Variants in ANKRD30B observed in about 807,000 individuals in gnomAD.
The protein encoded by ANKRD30B is ankyrin repeat domain-containing protein 30B.
A neutral mutation model predicts 202.2 loss-of-function variants in ANKRD30B; 144 were observed. The observed-to-expected ratio is 0.71, with a 90% CI of 0.62 to 0.82. The LOEUF (loss-of-function observed/expected upper bound fraction) is 0.82, where lower values mean the gene tolerates loss of function less well. ANKRD30B is among the 40% of genes least tolerant of loss of function. The probability of loss-of-function intolerance (pLI) is 0.00; values close to 1 mark genes in which losing one functional copy is unlikely to be tolerated. For missense variants in ANKRD30B, 1,487 were observed against 1,669.1 expected, an observed-to-expected ratio of 0.89 and a Z score of 1.90; for synonymous variants, 508 against 561.3, an observed-to-expected ratio of 0.91 and a Z score of 1.34.
At chr18:14,888,881 T>C in the ANKRD30B span, 7 of 1,058,354 alleles carry the variant, frequency 6.6e-6, no homozygotes, top group Non-Finnish European at 9.6e-6. Flanking sequence ...GAAGTTACAA[T>C]CTTCATTGCA....
chr18:14,749,292 G>C (rs1401108109), intron 1 of ANKRD30B, among the ~76,000 whole-genome samples: 1 of 152,102 alleles, frequency 6.6e-6, no homozygotes, highest in Non-Finnish European at 1.5e-5. Context: ...AATTACACAG[G>C]CTTTTACTGT....
the ANKRD30B span, among the ~76,000 whole-genome samples, chr18:14,930,623 A>G: frequency 1.4e-4 from 21 of 152,148 alleles, no homozygotes; most frequent in African/African-American, 4.8e-4. Context: ...TTGTCCAGCC[A>G]CCTATTATAC....
Position 14,778,054 on chromosome 18 carries a change from A to G in ANKRD30B, c.1399A>G (p.Thr467Ala). The stretch of plus-strand genomic sequence containing the variant: ...TGCTACATATCAAAAAGATATCAAA[A>G]CAATAAATCACAAAATAGAAGGTAA... ...PDATYQKDIK[T>A]INHKIEDQMF... The change falls in exon 10 of 44, where the codon ACA (threonine) becomes GCA (alanine). Residue 467 changes from threonine to alanine, a missense_variant. Thr to Ala is a moderately conservative substitution (Grantham distance 58). Coordinates refer to ENST00000690538, the MANE Select transcript of ANKRD30B (RefSeq NM_001367607.2). The G allele has an allele frequency of 6.5e-7, 1 of 1,544,944 alleles. No homozygotes were observed. The highest frequency in any genetic ancestry group is 8.8e-7 in the Non-Finnish European group (1 of 1,141,888).
the ANKRD30B span, among the ~76,000 whole-genome samples, chr18:14,931,679 T>C: frequency 6.6e-6 from 1 of 152,114 alleles, no homozygotes; most frequent in Non-Finnish European, 1.5e-5. Flanking sequence ...AACAGGAGTG[T>C]GGTGTGTGCC....
At chr18:14,820,481 A>T (rs1970358458) in intron 30 of ANKRD30B, among the ~76,000 whole-genome samples, 1 of 152,152 alleles carries the variant, frequency 6.6e-6, no homozygotes, top group Non-Finnish European at 1.5e-5. Context: ...CCCATTCAGT[A>T]TGATATTGGC....
At chr18:14,806,605 T>A (rs1050608838) in intron 24 of ANKRD30B, among the ~76,000 whole-genome samples, 1 of 149,810 alleles carries the variant, frequency 6.7e-6, no homozygotes, top group Non-Finnish European at 1.5e-5. Flanking sequence ...GATCACATTT[T>A]AGAACCAGAG....
chr18:14,912,553 A>C, the ANKRD30B span, among the ~76,000 whole-genome samples: 1 of 152,176 alleles, frequency 6.6e-6, no homozygotes, highest in African/African-American at 2.4e-5. Context: ...GTCTGTGTTC[A>C]TCAGAGATAT....
intron 36 of ANKRD30B, 122 bp from the exon 37 acceptor site, chr18:14,840,466 G>A (rs1971370751): frequency 2.9e-6 from 1 of 347,590 alleles, no homozygotes; most frequent in African/African-American, 2.2e-5. Flanking sequence ...TTGGTCTTTG[G>A]AGCCAGAGGT....
At chr18:14,941,009 T>G in the ANKRD30B span, among the ~76,000 whole-genome samples, 1 of 152,174 alleles carries the variant, frequency 6.6e-6, no homozygotes. Flanking sequence ...GCTCTGGGAC[T>G]CTGTATGTGC....
chr18:14,787,932 G>A (rs1312298753), intron 15 of ANKRD30B, among the ~76,000 whole-genome samples: 1 of 152,136 alleles, frequency 6.6e-6, no homozygotes, highest in Non-Finnish European at 1.5e-5. Flanking sequence ...ATTTAGACAT[G>A]ACATAATTTT....
chr18:14,888,742 TTC>T, the ANKRD30B span: 4 of 1,003,960 alleles, frequency 4.0e-6, no homozygotes, highest in Non-Finnish European at 4.4e-6. Context: ...GCTGTTTTTG[TTC>T]TTTCTTCATT....
rs774053971 is a variant in ANKRD30B at position 14,796,435 on chromosome 18, T to C, written c.1927+20T>C. On this transcript the variant is annotated intron_variant, in intron 18 of 43. Transcript: ENST00000690538. ...AAGCAGGTAAATTTTGTAATTTAACTTTTAATCTGTAATTAAGAATATTAA... is the reference window on the plus strand; with the variant it reads ...AAGCAGGTAAATTTTGTAATTTAACCTTTAATCTGTAATTAAGAATATTAA... The C allele has an allele frequency of 6.5e-6, 10 of 1,535,734 alleles. No homozygotes were observed. The highest frequency in any genetic ancestry group is 6.2e-5 in the South Asian group (5 of 80,738).
chr18:14,749,922 C>T (rs1195847119), intron 1 of ANKRD30B, among the ~76,000 whole-genome samples: 1 of 151,522 alleles, frequency 6.6e-6, no homozygotes, highest in African/African-American at 2.4e-5. Context: ...TTGGAGAAAA[C>T]TAGATTTTTA....
the ANKRD30B span, among the ~76,000 whole-genome samples, chr18:14,936,968 G>C: frequency 1.3e-5 from 2 of 152,188 alleles, no homozygotes; most frequent in African/African-American, 4.8e-5. Context: ...CTGGGCTCCA[G>C]GCTGGGAGAA....
chr18:14,892,945 A>G, the ANKRD30B span, among the ~76,000 whole-genome samples: 27 of 151,988 alleles, frequency 1.8e-4, no homozygotes, highest in Non-Finnish European at 3.2e-4. Flanking sequence ...AAATAAAAAT[A>G]AGGTGGTGAA....
At chr18:14,794,008 T>G (rs1968704115) in intron 16 of ANKRD30B, among the ~76,000 whole-genome samples, 1 of 152,214 alleles carries the variant, frequency 6.6e-6, no homozygotes, top group Admixed American at 6.5e-5. Context: ...AGCCTTTGTT[T>G]AAGTGTATGT....
Position 14,748,343 on chromosome 18 carries a change from G to C in ANKRD30B, c.-77G>C. 7.9e-7 allele frequency: 1 copy of C among 1,268,416 alleles called. No homozygotes were observed. The highest frequency in any genetic ancestry group is 2.8e-5 in the East Asian group (1 of 36,202). 78.6% of individuals were successfully genotyped at this position (1,268,416 alleles called of 1,614,324 possible). A position where few individuals can be genotyped will look rare whatever the true frequency, so the allele number is the denominator to read the frequency against. ...GGCGGGTGCTGGGGAAGGGTAAGCG[G>C]GAAGCGAGGGCGAGGGGTAGGGGCT... On this transcript the variant is annotated 5_prime_UTR_variant, in exon 1 of 44. Coordinates refer to ENST00000690538, the MANE Select transcript of ANKRD30B (RefSeq NM_001367607.2).
chr18:14,861,531 A>G, the ANKRD30B span, among the ~76,000 whole-genome samples: 1 of 151,126 alleles, frequency 6.6e-6, no homozygotes, highest in Non-Finnish European at 1.5e-5. Context: ...ACAAAGAATG[A>G]CATTATATAA....
At chr18:14,796,553 C>T (rs1968910649) in intron 18 of ANKRD30B, 138 bp downstream of exon 18, 3 of 1,163,144 alleles carry the variant, frequency 2.6e-6, no homozygotes, top group Non-Finnish European at 3.6e-6. Context: ...CCAATGTTAG[C>T]ATTTATGTTT....
Sources: allele counts gnomAD v4.1 joint callset (sites outside exome capture counted in the v4.1 genomes callset), GRCh38; gene constraint gnomAD v4.1.1; transcripts MANE v1.5; gene names NCBI Gene and HGNC (gene_info 2026-07-23, HGNC 2026-07-21).